RFTN1: variants seen among roughly 807,000 people sequenced by gnomAD.
RFTN1 encodes raftlin.
Under a neutral mutation model 46.5 loss-of-function variants are expected in RFTN1, and 26 were observed. The observed-to-expected ratio is 0.56, with a 90% CI of 0.41 to 0.78. RFTN1 has a LOEUF of 0.78. Ranked by LOEUF, RFTN1 falls within the 30% of genes least tolerant of loss-of-function variation. The pLI is 0.00. For missense variants in RFTN1, 693 were observed against 718.7 expected, an observed-to-expected ratio of 0.96 and a Z score of 0.41; for synonymous variants, 261 against 284.2, an observed-to-expected ratio of 0.92 and a Z score of 0.82.
At chr3:16,360,695 G>A (rs987446687) in intron 6 of RFTN1, among the ~76,000 whole-genome samples, 3 of 151,992 alleles carry the variant, frequency 2.0e-5, no homozygotes, top group Admixed American at 6.5e-5. Context: ...CCATCTACAA[G>A]CATTACTTAT....
intron 2 of RFTN1, among the ~76,000 whole-genome samples, chr3:16,437,945 T>C (rs2075548133): frequency 6.6e-6 from 1 of 152,182 alleles, no homozygotes; most frequent in South Asian, 2.1e-4. Flanking sequence ...GTTTGTTTTA[T>C]TTGAAAAACT....
chr3:16,405,479 T>G lies in RFTN1; in HGVS notation c.441+3896A>C, dbSNP rs2074833949. Among the ~76,000 whole-genome samples, 2 of 152,162 alleles carry G rather than the reference T, an allele frequency of 1.3e-5. 1 individual carries two copies. Among genetic ancestry groups the G allele is most frequent in the Admixed American group, 1.3e-4 (2 of 15,274 alleles). On this transcript the variant is annotated intron_variant, in intron 4 of 9. Coordinates refer to ENST00000334133, the MANE Select transcript of RFTN1 (RefSeq NM_015150.2). ...GACCAGCTAGAGCACTCAGAGAAAC[T>G]GGCCACACCAAAAGGAATGGAGTCA...
In RFTN1 at chr3:16,317,544, A is replaced by G. The variant is rs921597268; in HGVS notation, c.1333-312T>C. Among the ~76,000 whole-genome samples, 2 of 152,196 alleles carry G rather than the reference A, an allele frequency of 1.3e-5. No homozygotes were observed. Among genetic ancestry groups the G allele is most frequent in the Admixed American group, 1.3e-4 (2 of 15,282 alleles). On this transcript the variant is annotated intron_variant, in intron 9 of 9. Transcript: ENST00000334133. This position sits in a 1 kb window ranked among gnomAD's most constrained non-coding sequence, Gnocchi z 4.3. Reference sequence around the variant, plus strand: ...CATAGGAAAGGGCTCCTAAAGTCCTATCATTTGGAGGGCCAGGATGGAGAG... The same window carrying G: ...CATAGGAAAGGGCTCCTAAAGTCCTGTCATTTGGAGGGCCAGGATGGAGAG...
chr3:16,495,528 C>A (rs930779767), intron 1 of RFTN1, among the ~76,000 whole-genome samples: 2 of 152,196 alleles, frequency 1.3e-5, no homozygotes, highest in African/African-American at 4.8e-5. Context: ...CAAGCTATAA[C>A]ACAAGATGGG....
At chr3:16,405,988 T>C (rs925669823) in intron 4 of RFTN1, among the ~76,000 whole-genome samples, 4 of 152,148 alleles carry the variant, frequency 2.6e-5, no homozygotes, top group Non-Finnish European at 5.9e-5. Context: ...CACCACTACA[T>C]ATATATAAAT....
chr3:16,471,010 G>C (rs2076185425), intron 2 of RFTN1, among the ~76,000 whole-genome samples: 1 of 152,134 alleles, frequency 6.6e-6, no homozygotes. Flanking sequence ...AAAGTGCTTT[G>C]GAAAGTTTCA....
intron 3 of RFTN1, chr3:16,416,019 T>C (rs908360748): frequency 2.5e-5 from 6 of 240,198 alleles, no homozygotes; most frequent in South Asian, 2.2e-4. Context: ...AAAATCATCA[T>C]CTTGCTGCTG....
chr3:16,487,984 C>G (rs1448292770), intron 2 of RFTN1, among the ~76,000 whole-genome samples: 2 of 152,168 alleles, frequency 1.3e-5, no homozygotes, highest in African/African-American at 4.8e-5. Context: ...CTGTAAGATT[C>G]CTGCTGCTTT....
rs1342962295 is a variant in RFTN1 at position 16,483,736 on chromosome 3, T to C, written c.145+9989A>G. On this transcript the variant is annotated intron_variant, in intron 2 of 9. Transcript: ENST00000334133. The surrounding 1 kb of genome is among the most constrained non-coding windows in gnomAD (Gnocchi z 4.8). Reference sequence around the variant, plus strand: ...TCAAAAGATCACACTAGTATAATTTTTTTCTGCCATCTCCACTCAAATTAA... The same window carrying C: ...TCAAAAGATCACACTAGTATAATTTCTTTCTGCCATCTCCACTCAAATTAA... Among the ~76,000 whole-genome samples, 1 of 151,790 alleles carries C rather than the reference T, an allele frequency of 6.6e-6. No individual in the cohort carries two copies. Among genetic ancestry groups the C allele is most frequent in the Non-Finnish European group, 1.5e-5 (1 of 67,972 alleles).
rs575364838 is a variant in RFTN1, at chr3:16,465,015, A to AT, written c.145+28709dup. Among the ~76,000 whole-genome samples, 64 of 152,322 alleles carry AT rather than the reference A, an allele frequency of 4.2e-4. 1 individual carries two copies. Among genetic ancestry groups the AT allele is most frequent in the Admixed American group, 3.3e-3 (51 of 15,302 alleles). On this transcript the variant is annotated intron_variant, in intron 2 of 9. Transcript: ENST00000334133. This position sits in a 1 kb window ranked among gnomAD's most constrained non-coding sequence, Gnocchi z 5.1. ...CCCATCACAATGATTTATTACAATC[A>AT]TTTTTTAAGATTAACACAACAAGGA...
At chr3:16,319,175 A>G (rs1403740110) in intron 9 of RFTN1, among the ~76,000 whole-genome samples, 1 of 152,120 alleles carries the variant, frequency 6.6e-6, no homozygotes, top group African/African-American at 2.4e-5. Context: ...GAGCCTCTTC[A>G]CATTTTATAT....
chr3:16,392,874 C>CA lies in RFTN1; in HGVS notation c.442-14773dup, dbSNP rs1345160763. Reference sequence around the variant, plus strand: ...TACTGAAAAAAGCTACTTGGAGTTGCAAAAAAAGAAAATGTGTGAGTCTCC... The same window carrying CA: ...TACTGAAAAAAGCTACTTGGAGTTGCAAAAAAAAGAAAATGTGTGAGTCTCC... On this transcript the variant is annotated intron_variant, in intron 4 of 9. Transcript: ENST00000334133. Among the ~76,000 whole-genome samples, 3 of 151,760 alleles carry CA rather than the reference C, an allele frequency of 2.0e-5. 1 individual carries two copies. Among genetic ancestry groups the CA allele is most frequent in the East Asian group, 3.9e-4 (2 of 5,180 alleles).
At chr3:16,364,747 G>A (rs1019008220) in intron 6 of RFTN1, among the ~76,000 whole-genome samples, 4 of 152,226 alleles carry the variant, frequency 2.6e-5, no homozygotes, top group African/African-American at 7.2e-5. Flanking sequence ...ACACAGCAAT[G>A]AGAGAAAATG....
At chr3:16,501,278 C>A in intron 1 of RFTN1, among the ~76,000 whole-genome samples, 1 of 152,116 alleles carries the variant, frequency 6.6e-6, no homozygotes, top group East Asian at 1.9e-4. Flanking sequence ...TTAAAAGTAT[C>A]CTAATTTGTT....
chr3:16,408,942 T>G (rs995213335), intron 4 of RFTN1, among the ~76,000 whole-genome samples: 1 of 152,342 alleles, frequency 6.6e-6, no homozygotes, highest in East Asian at 1.9e-4. Context: ...TCCCTGCAAC[T>G]ACGCAGTTTT....
intron 2 of RFTN1, among the ~76,000 whole-genome samples, chr3:16,438,312 T>C (rs960740213): frequency 3.3e-5 from 5 of 152,060 alleles, no homozygotes; most frequent in African/African-American, 1.2e-4. Flanking sequence ...TTGCTGGGCA[T>C]GGTGGCTCAC....
In RFTN1 at chr3:16,381,444, T is replaced by G. The variant is rs1046890557; in HGVS notation, c.442-3342A>C. On this transcript the variant is annotated intron_variant, in intron 4 of 9. Transcript: ENST00000334133. The surrounding 1 kb of genome is among the most constrained non-coding windows in gnomAD (Gnocchi z 4.2). ...TGAAGGGGAGGTTGAGAAAAGTTTC[T>G]CCGAGTAGATCAGGGATGTAACAAA... Among the ~76,000 whole-genome samples the G allele has an allele frequency of 6.6e-6, 1 of 152,208 alleles. No homozygotes were observed. Among genetic ancestry groups the G allele is most frequent in the Non-Finnish European group, 1.5e-5 (1 of 68,044 alleles).
intron 6 of RFTN1, among the ~76,000 whole-genome samples, chr3:16,369,387 G>A (rs758246171): frequency 3.9e-5 from 6 of 152,254 alleles, no homozygotes; most frequent in African/African-American, 9.6e-5. Context: ...GTGCTGGCAC[G>A]TTGGTCCCAC....
chr3:16,491,692 G>T (rs961328172), intron 2 of RFTN1, among the ~76,000 whole-genome samples: 1 of 151,410 alleles, frequency 6.6e-6, no homozygotes, highest in Non-Finnish European at 1.5e-5. Context: ...GTTTGTGAAG[G>T]TTCTTAGGAG....
Sources: allele counts gnomAD v4.1 joint callset (sites outside exome capture counted in the v4.1 genomes callset), GRCh38; gene constraint gnomAD v4.1.1; non-coding constraint Gnocchi (gnomAD v3.1); transcripts MANE v1.5; gene names NCBI Gene and HGNC (gene_info 2026-07-23, HGNC 2026-07-21).